POTEJ: variants seen among roughly 807,000 people sequenced by gnomAD.
The protein encoded by POTEJ is POTE ankyrin domain family member J.
In POTEJ, 11 loss-of-function variants were observed where a neutral mutation model predicts 69.0. That is an observed-to-expected ratio of 0.16 (90% confidence interval 0.10 to 0.26). The LOEUF (loss-of-function observed/expected upper bound fraction) is 0.26, where lower values mean the gene tolerates loss of function less well. Ranked by LOEUF, POTEJ falls within the 10% of genes least tolerant of loss-of-function variation. The pLI, the probability that POTEJ is intolerant of heterozygous loss-of-function variation, is 1.00. For missense variants in POTEJ, 327 were observed against 1,045.5 expected, an observed-to-expected ratio of 0.31 and a Z score of 9.48; for synonymous variants, 117 against 381.1, an observed-to-expected ratio of 0.31 and a Z score of 8.07.
chr2:130,656,158 A>C (rs972433263), intron 14 of POTEJ, among the ~76,000 whole-genome samples: 2 of 145,124 alleles, frequency 1.4e-5, no homozygotes, highest in Non-Finnish European at 3.1e-5. Context: ...CAGAGTGTAA[A>C]CCTAATCTTA....
At chr2:130,641,038 G>T (rs1312588558) in intron 10 of POTEJ, among the ~76,000 whole-genome samples, 1 of 152,006 alleles carries the variant, frequency 6.6e-6, no homozygotes, top group Admixed American at 6.6e-5. Context: ...TAGACTATGT[G>T]GTCTCTGTCA....
At chr2:130,611,172 GC>G (rs1437418951), upstream of POTEJ, among the ~76,000 whole-genome samples, 1 of 145,866 alleles carries the variant, frequency 6.9e-6, no homozygotes, top group Non-Finnish European at 1.5e-5. Flanking sequence ...TGGTCGCTTG[GC>G]CTGGTGTTCC....
At chr2:130,624,855 G>A (rs1187191701) in intron 6 of POTEJ, among the ~76,000 whole-genome samples, 20 of 152,108 alleles carry the variant, frequency 1.3e-4, no homozygotes, top group Non-Finnish European at 2.6e-4. Flanking sequence ...TATTTACTTT[G>A]TTGGAACAAG....
intron 6 of POTEJ, 86 bp from the exon 7 acceptor site, chr2:130,629,862 GT>G (rs1685843270): frequency 1.2e-5 from 1 of 82,984 alleles, no homozygotes; most frequent in Non-Finnish European, 2.2e-5. Flanking sequence ...GAAATAAAAT[GT>G]TGTCTTAAAT....
intron 13 of POTEJ, among the ~76,000 whole-genome samples, chr2:130,648,691 A>T: frequency 8.4e-6 from 1 of 119,518 alleles, no homozygotes. Flanking sequence ...TAGTCCGTTT[A>T]TCATGGTCTG....
rs1363010248 is a variant in POTEJ at position 130,647,079 on chromosome 2, G to T, written c.1667+769G>T. Among the ~76,000 whole-genome samples the T allele has an allele frequency of 5.3e-5, 8 of 150,370 alleles. No individual in the cohort carries two copies. The East Asian group carries it at 1.5e-3, about 29-fold the overall frequency. On this transcript the variant is annotated intron_variant, in intron 13 of 14. Transcript: ENST00000409602. ...TAAAAAATTTGGAGCTAGTCTAATT[G>T]CTTATCAATAGGAAATAGCTCAATT... is the stretch of plus-strand genomic sequence containing the variant.
At chr2:130,654,275 GAC>G (rs1686903807) in intron 13 of POTEJ, among the ~76,000 whole-genome samples, 2 of 138,646 alleles carry the variant, frequency 1.4e-5, no homozygotes, top group South Asian at 4.8e-4. Context: ...TGGGTTACAG[GAC>G]ACAGACCATT....
At chr2:130,645,600 A>G (rs571052238) in intron 11 of POTEJ, 137 bp from the exon 12 acceptor site, 3 of 427,528 alleles carry the variant, frequency 7.0e-6, no homozygotes, top group East Asian at 5.3e-5. Context: ...TAACAGTTTA[A>G]TTTTAATTAC....
chr2:130,617,425 GT>G (rs543401823), intron 3 of POTEJ, among the ~76,000 whole-genome samples, 187 bp downstream of exon 3: 7 of 5,184 alleles, frequency 1.4e-3, no homozygotes, highest in Non-Finnish European at 2.3e-3. Context: ...AGAGGGTACA[GT>G]TTTTTTTTTA....
At chr2:130,618,423 G>T (rs1406571083) in intron 3 of POTEJ, among the ~76,000 whole-genome samples, 2 of 147,494 alleles carry the variant, frequency 1.4e-5, no homozygotes, top group East Asian at 2.1e-4. Context: ...GTCTAATAAA[G>T]CCTGGATATG....
At chr2:130,646,728 A>C (rs1341744286) in intron 13 of POTEJ, among the ~76,000 whole-genome samples, 22 of 137,288 alleles carry the variant, frequency 1.6e-4, no homozygotes, top group African/African-American at 3.8e-4. Context: ...GCCCCAGTGT[A>C]TGTTATTCTC....
In POTEJ at chr2:130,657,288, T is replaced by C; in HGVS notation, c.2528T>C (p.Leu843Pro). 1.3e-6 allele frequency: 2 copies of C among 1,593,972 alleles called. No homozygotes were observed. Among genetic ancestry groups the C allele is most frequent in the East Asian group, 2.2e-5 (1 of 44,794 alleles). ...ALPHATLRLD[L>P]AGRELTDYLM... ...CCCCATGCCACCCTGCGCCTAGACC[T>C]GGCTGGGCGGGAACTGACTGACTAC... is the stretch of plus-strand genomic sequence containing the variant. Residue 843 changes from leucine (L) to proline (P), a missense_variant, in exon 15 of 15, where the codon CTG becomes CCG. Physicochemically the swap from Leu to Pro is moderately conservative, Grantham distance 98. Coordinates refer to ENST00000409602, the MANE Select transcript of POTEJ (RefSeq NM_001277083.2).
At chr2:130,627,053 G>A (rs1373124520) in intron 6 of POTEJ, among the ~76,000 whole-genome samples, 5 of 152,148 alleles carry the variant, frequency 3.3e-5, no homozygotes, top group African/African-American at 9.7e-5. Context: ...AGAAATGTCA[G>A]ATAATTTCCA....
In POTEJ at chr2:130,611,732, A is replaced by G. The variant is rs1217187791; in HGVS notation, c.200A>G (p.His67Arg). Reference protein sequence around the residue: ...LRSKMGKWCCHCFPCCRGSGK... With the variant: ...LRSKMGKWCCRCFPCCRGSGK... ...AGCAAGATGGGCAAGTGGTGCTGCC[A>G]CTGCTTCCCCTGCTGCAGGGGGAGC... Residue 67 changes from histidine to arginine, a missense_variant, in exon 1 of 15, where the codon CAC becomes CGC. By Grantham distance (29) the His-to-Arg change is conservative. Coordinates refer to ENST00000409602, the MANE Select transcript of POTEJ (RefSeq NM_001277083.2). 3.2e-6 allele frequency: 5 copies of G among 1,567,746 alleles called. No individual in the cohort carries two copies. In the Admixed American group the frequency reaches 5.1e-5, roughly 16 times the overall value.
intron 10 of POTEJ, among the ~76,000 whole-genome samples, chr2:130,639,900 C>T (rs1686280084): frequency 6.6e-6 from 1 of 152,258 alleles, no homozygotes; most frequent in African/African-American, 2.4e-5. Context: ...GGCTACAGAA[C>T]ACAAAAACAC....
intron 6 of POTEJ, among the ~76,000 whole-genome samples, chr2:130,627,944 C>G (rs1291035297): frequency 7.1e-6 from 1 of 141,658 alleles, no homozygotes; most frequent in Non-Finnish European, 1.5e-5. Context: ...TATAATTTCT[C>G]TGACTTCTTA....
intron 10 of POTEJ, among the ~76,000 whole-genome samples, chr2:130,641,730 A>G (rs538174766): frequency 2.6e-5 from 4 of 152,078 alleles, no homozygotes; most frequent in African/African-American, 9.7e-5. Flanking sequence ...TGCATGTTTA[A>G]TGGAATATTC....
At chr2:130,623,714 A>G (rs879808349) in intron 5 of POTEJ, among the ~76,000 whole-genome samples, 1 of 136,562 alleles carries the variant, frequency 7.3e-6, no homozygotes, top group Admixed American at 7.2e-5. Flanking sequence ...CACTTTGTTG[A>G]AGAAGACATT....
intron 1 of POTEJ, among the ~76,000 whole-genome samples, chr2:130,615,821 A>T (rs966974242): frequency 3.5e-5 from 5 of 142,892 alleles, no homozygotes; most frequent in African/African-American, 5.7e-5. Context: ...AACAAAATTT[A>T]TAACAGTCTT....
Sources: gnomAD v4.1 joint callset for allele counts (sites outside exome capture counted in the v4.1 genomes callset) on GRCh38, gnomAD v4.1.1 for gene constraint, MANE v1.5 for transcripts, NCBI Gene and HGNC (gene_info 2026-07-23, HGNC 2026-07-21) for gene names.